Variants in RBFOX3 observed in about 807,000 individuals in gnomAD.
The protein encoded by RBFOX3 is RNA binding fox-1 homolog 3.
In RBFOX3, 17 loss-of-function variants were observed where a neutral mutation model predicts 48.7. That is an observed-to-expected ratio of 0.35 (90% CI 0.24 to 0.52). RBFOX3 has a LOEUF of 0.52. Among genes scored for constraint, RBFOX3 ranks in the 20% least tolerant of loss-of-function variants. RBFOX3 has a pLI of 0.94. For missense variants in RBFOX3, 382 were observed against 497.5 expected (o/e 0.77, Z 2.21); for synonymous variants, 212 against 209.5 (o/e 1.01, Z -0.10).
chr17:79,618,387 CAAT>C, the RBFOX3 span, among the ~76,000 whole-genome samples: 11 of 152,190 alleles, frequency 7.2e-5, no homozygotes, highest in East Asian at 1.9e-3. Flanking sequence ...TGTGATTGCA[CAAT>C]AATACCACCC....
intron 2 of RBFOX3, among the ~76,000 whole-genome samples, chr17:79,393,048 C>A (rs1234983479): frequency 1.3e-5 from 2 of 152,246 alleles, no homozygotes; most frequent in Non-Finnish European, 2.9e-5. Context: ...TTGACCACTA[C>A]ACAGTCTGCA....
At chr17:79,438,855 T>A (rs139933889) in intron 2 of RBFOX3, among the ~76,000 whole-genome samples, 58 of 152,320 alleles carry the variant, frequency 3.8e-4, no homozygotes, top group African/African-American at 1.4e-3. Flanking sequence ...GCCTCAGAAC[T>A]GGTCCATGGC....
intron 2 of RBFOX3, among the ~76,000 whole-genome samples, chr17:79,336,527 G>A (rs1290876976): frequency 6.6e-6 from 1 of 152,260 alleles, no homozygotes; most frequent in Admixed American, 6.5e-5. Flanking sequence ...ACTGTGCAAA[G>A]GGTTGGGTCA....
At chr17:79,633,345 A>G in the RBFOX3 span, among the ~76,000 whole-genome samples, 1 of 152,164 alleles carries the variant, frequency 6.6e-6, no homozygotes, top group Admixed American at 6.5e-5. Context: ...GCCACCACCA[A>G]CCGGAGAAGC....
intron 4 of RBFOX3, among the ~76,000 whole-genome samples, chr17:79,118,975 CAAAAA>C (rs767042086): frequency 1.3e-5 from 1 of 75,750 alleles, no homozygotes; most frequent in African/African-American, 4.6e-5. Flanking sequence ...ACCCCTGTCT[CAAAAA>C]AAAAAAAAAA....
At chr17:79,312,286 GA>G (rs10634324) in intron 2 of RBFOX3, among the ~76,000 whole-genome samples, 51 of 143,182 alleles carry the variant, frequency 3.6e-4, no homozygotes, top group African/African-American at 1.2e-3. Context: ...AGCAGATTAA[GA>G]AAAAAAAAAA....
intron 3 of RBFOX3, among the ~76,000 whole-genome samples, chr17:79,248,719 T>C (rs1179935650): frequency 6.6e-6 from 1 of 152,138 alleles, no homozygotes; most frequent in African/African-American, 2.4e-5. Context: ...CGGGGGGTGC[T>C]TGTATCCCTA....
intron 3 of RBFOX3, among the ~76,000 whole-genome samples, chr17:79,283,947 T>C (rs200113516): frequency 0.012 from 1,635 of 132,560 alleles, 81 homozygotes; most frequent in Admixed American, 0.023. Flanking sequence ...TACTTATAAA[T>C]GGAGATGCCT....
At chr17:79,173,071 G>C (rs2049709260) in intron 4 of RBFOX3, among the ~76,000 whole-genome samples, 1 of 152,174 alleles carries the variant, frequency 6.6e-6, no homozygotes, top group African/African-American at 2.4e-5. Flanking sequence ...TTAGCCGGGT[G>C]TGGTGGCGCA....
intron 2 of RBFOX3, among the ~76,000 whole-genome samples, chr17:79,329,097 C>T (rs2079805834): frequency 6.6e-6 from 1 of 152,142 alleles, no homozygotes; most frequent in Non-Finnish European, 1.5e-5. Flanking sequence ...CCCACCCCAC[C>T]CACTAAATCC....
intron 3 of RBFOX3, among the ~76,000 whole-genome samples, chr17:79,301,150 T>C (rs2075250601): frequency 6.6e-6 from 1 of 152,232 alleles, no homozygotes; most frequent in African/African-American, 2.4e-5. Context: ...GGGATGGGCC[T>C]GGGAGAGCCT....
intron 1 of RBFOX3, among the ~76,000 whole-genome samples, chr17:79,498,167 TG>T (rs1258188263): frequency 1.3e-5 from 2 of 152,204 alleles, no homozygotes; most frequent in Admixed American, 1.3e-4. Flanking sequence ...AAGCCCAGGT[TG>T]ACTCAGGGCC....
intron 3 of RBFOX3, among the ~76,000 whole-genome samples, chr17:79,303,465 G>T (rs1311314899): frequency 6.6e-6 from 1 of 152,184 alleles, no homozygotes. Flanking sequence ...TGCGGAGCCT[G>T]CAGACTCTAA....
rs577303753 is a variant in RBFOX3 at position 79,319,346 on chromosome 17, G to C, written c.-174-11522C>G. Among the ~76,000 whole-genome samples, 11 of 152,354 alleles carry C rather than the reference G, an allele frequency of 7.2e-5. No individual in the cohort carries two copies. In the South Asian group the frequency reaches 2.3e-3, roughly 32 times the overall value. On this transcript the variant is annotated intron_variant, in intron 2 of 14. Transcript: ENST00000693108. ...AGGAAGGTAGGAGATGCAGAGAAAG[G>C]AAAGAGGCAGAACGGGGGCTCCTGC...
At chr17:79,092,719 A>G (rs994816140) in intron 14 of RBFOX3, 4 of 619,680 alleles carry the variant, frequency 6.5e-6, no homozygotes, top group Admixed American at 6.4e-5. Context: ...AAAAAAAAAA[A>G]GGAAAAACAA....
intron 2 of RBFOX3, among the ~76,000 whole-genome samples, chr17:79,349,963 AG>A (rs1345040651): frequency 1.2e-4 from 18 of 152,206 alleles, no homozygotes; most frequent in South Asian, 4.2e-4. Context: ...CTGCTCCAGG[AG>A]GAGAGGCTCC....
intron 2 of RBFOX3, among the ~76,000 whole-genome samples, chr17:79,410,345 C>T (rs1204440180): frequency 5.3e-5 from 8 of 152,164 alleles, no homozygotes; most frequent in East Asian, 1.9e-4. Flanking sequence ...ATTCTGGCTG[C>T]GGCAGGCAGA....
intron 1 of RBFOX3, among the ~76,000 whole-genome samples, chr17:79,524,040 T>C (rs2086477755): frequency 1.3e-5 from 2 of 152,168 alleles, no homozygotes; most frequent in Non-Finnish European, 2.9e-5. Context: ...AGTTTTCCCA[T>C]CATTAAAGCC....
chr17:79,489,256 A>G (rs1200478880), intron 1 of RBFOX3, among the ~76,000 whole-genome samples: 1 of 151,942 alleles, frequency 6.6e-6, no homozygotes, highest in Non-Finnish European at 1.5e-5. Context: ...AAAAAAAAAA[A>G]AAAAAAGAAT....
Sources: allele counts gnomAD v4.1 joint callset (sites outside exome capture counted in the v4.1 genomes callset), GRCh38; gene constraint gnomAD v4.1.1; transcripts MANE v1.5; gene names NCBI Gene and HGNC (gene_info 2026-07-23, HGNC 2026-07-21).